The following UTS2 variants were observed in gnomAD, a reference collection of about 807,000 sequenced individuals.
The protein encoded by UTS2 is urotensin-2.
In UTS2, 10 loss-of-function variants were observed where a neutral mutation model predicts 12.6. The ratio of observed to expected loss-of-function variants is 0.80; its 90% confidence interval spans 0.49 to 1.35. The LOEUF (loss-of-function observed/expected upper bound fraction) is 1.35. Among genes scored for constraint, UTS2 ranks in the 40% most tolerant of loss-of-function variants. UTS2 has a pLI of 0.00. For synonymous variants in UTS2, 52 were observed against 50.0 expected, an observed-to-expected ratio of 1.04 and a Z score of -0.17; for missense variants, 142 against 143.2, an observed-to-expected ratio of 0.99 and a Z score of 0.04.
the UTS2 span, among the ~76,000 whole-genome samples, chr1:7,900,118 C>G: frequency 6.6e-6 from 1 of 152,198 alleles, no homozygotes; most frequent in Non-Finnish European, 1.5e-5. Context: ...AATGAATGGC[C>G]AGGCACAATG....
At chr1:7,906,451 G>GA in the UTS2 span, among the ~76,000 whole-genome samples, 2 of 80,324 alleles carry the variant, frequency 2.5e-5, no homozygotes, top group Non-Finnish European at 4.6e-5. Flanking sequence ...AAGAAAAAGA[G>GA]AAAGAAAGAA....
At chr1:7,885,101 A>C in the UTS2 span, among the ~76,000 whole-genome samples, 1 of 147,574 alleles carries the variant, frequency 6.8e-6, no homozygotes. Flanking sequence ...CCCATCATCC[A>C]TGCATCCATT....
chr1:7,868,230 G>C, the UTS2 span, among the ~76,000 whole-genome samples: 3 of 152,258 alleles, frequency 2.0e-5, no homozygotes, highest in East Asian at 5.8e-4. Context: ...CTCCTTTCCA[G>C]TTTCACAGCA....
chr1:7,876,322 C>T, the UTS2 span, among the ~76,000 whole-genome samples: 2 of 152,110 alleles, frequency 1.3e-5, no homozygotes, highest in Non-Finnish European at 2.9e-5. Context: ...CATCAGGGGC[C>T]GAGGAATTGA....
chr1:7,864,014 G>C, the UTS2 span, among the ~76,000 whole-genome samples: 18 of 152,242 alleles, frequency 1.2e-4, no homozygotes, highest in Admixed American at 2.6e-4. Flanking sequence ...CAGCAGGAGG[G>C]CAAGAGTGGA....
At chr1:7,883,185 G>A in the UTS2 span, among the ~76,000 whole-genome samples, 1 of 152,178 alleles carries the variant, frequency 6.6e-6, no homozygotes, top group Non-Finnish European at 1.5e-5. Context: ...ATACACAATA[G>A]AATACTATTC....
the UTS2 span, among the ~76,000 whole-genome samples, chr1:7,875,853 C>A: frequency 2.3e-4 from 35 of 152,274 alleles, no homozygotes; most frequent in African/African-American, 4.8e-4. Flanking sequence ...TGGCCTCTGG[C>A]ACCCATGCAA....
the UTS2 span, among the ~76,000 whole-genome samples, chr1:7,872,299 C>CAAAAAAAAAAAAAAAAA: frequency 3.0e-5 from 2 of 65,880 alleles, no homozygotes; most frequent in African/African-American, 5.7e-5. Context: ...GACTCTGTCT[C>CAAAAAAAAAAAAAAAAA]AAAAAAAAAA....
At chr1:7,910,507 C>T in the UTS2 span, among the ~76,000 whole-genome samples, 1 of 152,204 alleles carries the variant, frequency 6.6e-6, no homozygotes, top group African/African-American at 2.4e-5. Flanking sequence ...CCTATCTCTA[C>T]ATGGCTGTCC....
the UTS2 span, among the ~76,000 whole-genome samples, chr1:7,897,021 A>T: frequency 1.3e-5 from 2 of 152,054 alleles, no homozygotes; most frequent in Admixed American, 1.3e-4. Flanking sequence ...TTTATAAATT[A>T]TGTATAAAAT....
At chr1:7,895,699 A>G in the UTS2 span, among the ~76,000 whole-genome samples, 2 of 152,376 alleles carry the variant, frequency 1.3e-5, no homozygotes, top group South Asian at 4.1e-4. Flanking sequence ...AAAAATCGCT[A>G]AAGTTCATTC....
At chr1:7,875,201 A>C in the UTS2 span, among the ~76,000 whole-genome samples, 2 of 151,618 alleles carry the variant, frequency 1.3e-5, no homozygotes, top group African/African-American at 2.4e-5. Flanking sequence ...CAGCCTCCCG[A>C]GTAGCTGGGA....
At chr1:7,850,289 C>A (rs1358791345) in intron 2 of UTS2, among the ~76,000 whole-genome samples, 1 of 152,008 alleles carries the variant, frequency 6.6e-6, no homozygotes, top group Admixed American at 6.6e-5. Flanking sequence ...ATTTTGTTTC[C>A]AGAACTTCCT....
the UTS2 span, among the ~76,000 whole-genome samples, chr1:7,885,119 CCACCCACCTAT>C: frequency 7.0e-6 from 1 of 142,720 alleles, no homozygotes; most frequent in African/African-American, 2.6e-5. Flanking sequence ...ATTCATCCAT[CCACCCACCTAT>C]CATCCATCCA....
At chr1:7,891,577 A>G in the UTS2 span, among the ~76,000 whole-genome samples, 1 of 151,228 alleles carries the variant, frequency 6.6e-6, no homozygotes, top group African/African-American at 2.4e-5. Flanking sequence ...AGAAAGAAAG[A>G]AAGAAAGAAA....
At chr1:7,904,809 C>T in the UTS2 span, among the ~76,000 whole-genome samples, 1 of 141,604 alleles carries the variant, frequency 7.1e-6, no homozygotes, top group African/African-American at 2.6e-5. Context: ...AAGACTGAGG[C>T]AGGAGAATCG....
rs1205557271 is a variant in UTS2 at position 7,847,733 on chromosome 1, T to A, written c.*33A>T. ...TATTTTTCATATTCTAAGATGGGTG[T>A]TTCTGAGCTGACTAACAGATGCTTA... is the stretch of plus-strand genomic sequence containing the variant. On this transcript the variant is annotated 3_prime_UTR_variant, in exon 4 of 4. Transcript: ENST00000361696. 2.0e-6 allele frequency: 3 copies of A among 1,524,384 alleles called. 1 individual carries two copies. The South Asian group carries it at 3.5e-5, about 18-fold the overall frequency. The allele number at this position is 1,524,384 out of a possible 1,614,324, so 94.4% of individuals were successfully genotyped here.
At chr1:7,880,070 A>G in the UTS2 span, among the ~76,000 whole-genome samples, 2 of 152,028 alleles carry the variant, frequency 1.3e-5, no homozygotes, top group Admixed American at 6.6e-5. Flanking sequence ...CAGCCTGGGC[A>G]ACATAGTGAG....
At chr1:7,856,624 G>A (rs1378585682), upstream of UTS2, among the ~76,000 whole-genome samples, 10 of 152,294 alleles carry the variant, frequency 6.6e-5, no homozygotes, top group Admixed American at 4.6e-4. Flanking sequence ...GCGAGTGCTC[G>A]CACACTGTCC....
Sources: gnomAD v4.1 joint callset for allele counts (sites outside exome capture counted in the v4.1 genomes callset) on GRCh38, gnomAD v4.1.1 for gene constraint, MANE v1.5 for transcripts, NCBI Gene and HGNC (gene_info 2026-07-23, HGNC 2026-07-21) for gene names.